Variants in OTUD7A observed in about 807,000 individuals in gnomAD.
The protein encoded by OTUD7A is OTU deubiquitinase 7A, also known as OTU domain-containing protein 7A.
OTUD7A carries 12 observed loss-of-function variants against 65.7 expected under a neutral mutation model. The ratio of observed to expected loss-of-function variants is 0.18; its 90% confidence interval spans 0.12 to 0.30. The LOEUF is 0.30. OTUD7A is among the 10% of genes least tolerant of loss of function. OTUD7A has a pLI of 1.00. For missense variants in OTUD7A, 1,148 were observed against 1,304.8 expected, an observed-to-expected ratio of 0.88 and a Z score of 1.85; for synonymous variants, 641 against 586.3, an observed-to-expected ratio of 1.09 and a Z score of -1.35.
chr15:31,766,976 A>C, intron 1 of OTUD7A: 3 of 1,611,952 alleles, frequency 1.9e-6, no homozygotes, highest in Non-Finnish European at 2.5e-6. Flanking sequence ...AACCCTATTA[A>C]ATTATGACAA....
intron 3 of OTUD7A, among the ~76,000 whole-genome samples, chr15:31,621,160 A>G (rs865865897): frequency 6.6e-6 from 1 of 151,682 alleles, no homozygotes; most frequent in Non-Finnish European, 1.5e-5. Flanking sequence ...GTTTTTTTAC[A>G]TTTGCTGAGG....
At position 31,483,600 on chromosome 15, in the gene OTUD7A, C is replaced by G. The variant is rs78774681; in HGVS notation, c.2496G>C (p.Ser832=). Residue 832 remains serine, a synonymous_variant, in exon 13 of 13, where the codon TCG becomes TCC. Transcript: ENST00000307050. The part of the protein sequence containing the change: ...AALRTVNTVE[S]LARAVPGALP... Reference sequence around the variant, plus strand: ...GGGCCCCGGGCACCGCGCGCGCCAGCGACTCGACCGTGTTGACGGTGCGCA... The same window carrying G: ...GGGCCCCGGGCACCGCGCGCGCCAGGGACTCGACCGTGTTGACGGTGCGCA... The G allele has an allele frequency of 8.2e-7, 1 of 1,223,778 alleles. No individual in the cohort carries two copies. The allele number at this position is 1,223,778 out of a possible 1,614,324, so 75.8% of individuals were successfully genotyped here. A position where few individuals can be genotyped will look rare whatever the true frequency, so the allele number is the denominator to read the frequency against.
At chr15:31,699,136 G>C (rs71476563) in intron 1 of OTUD7A, among the ~76,000 whole-genome samples, 6,934 of 148,964 alleles carry the variant, frequency 0.047, 320 homozygotes, top group African/African-American at 0.12. Context: ...CTGGAGTGCA[G>C]TGGTGCGATC....
chr15:31,497,810 C>T (rs1451636364), intron 10 of OTUD7A, among the ~76,000 whole-genome samples: 1 of 152,192 alleles, frequency 6.6e-6, no homozygotes, highest in Admixed American at 6.5e-5. Flanking sequence ...CAACTATTCC[C>T]TGGGGATGGT....
chr15:31,490,039 C>T (rs772145040), intron 10 of OTUD7A, among the ~76,000 whole-genome samples: 3 of 152,224 alleles, frequency 2.0e-5, no homozygotes, highest in Non-Finnish European at 4.4e-5. Context: ...GGGTCAACTG[C>T]GGCCTGTGGT....
chr15:31,732,875 C>T (rs1421156556), intron 1 of OTUD7A, among the ~76,000 whole-genome samples: 1 of 152,202 alleles, frequency 6.6e-6, no homozygotes, highest in African/African-American at 2.4e-5. Flanking sequence ...CCTAGTTGTG[C>T]ATTCCTTTGG....
intron 3 of OTUD7A, among the ~76,000 whole-genome samples, chr15:31,576,287 C>CG (rs1304630547): frequency 5.3e-5 from 8 of 152,170 alleles, no homozygotes; most frequent in Admixed American, 5.2e-4. Context: ...AGACAGAACT[C>CG]TAAGTCATCT....
At chr15:31,613,856 C>A (rs1367251092) in intron 3 of OTUD7A, among the ~76,000 whole-genome samples, 1 of 152,138 alleles carries the variant, frequency 6.6e-6, no homozygotes, top group East Asian at 1.9e-4. Flanking sequence ...TTTGTGGCTG[C>A]ACAATTCACA....
chr15:31,688,795 A>C (rs532154564), intron 1 of OTUD7A, among the ~76,000 whole-genome samples: 1,792 of 150,640 alleles, frequency 0.012, 34 homozygotes, highest in African/African-American at 0.041. Flanking sequence ...TGTATAAACA[A>C]TTGGTAAATC....
At chr15:31,580,138 A>G (rs982425635) in intron 3 of OTUD7A, among the ~76,000 whole-genome samples, 3 of 152,210 alleles carry the variant, frequency 2.0e-5, no homozygotes, top group African/African-American at 7.2e-5. Flanking sequence ...GTGTTACTGG[A>G]CAGAAAGTTG....
In OTUD7A at chr15:31,562,998, A is replaced by G. The variant is rs1041863980; in HGVS notation, c.332-3811T>C. Among the ~76,000 whole-genome samples, 5 of 151,866 alleles carry G rather than the reference A, an allele frequency of 3.3e-5. No individual in the cohort carries two copies. In the East Asian group the frequency reaches 7.7e-4, roughly 23 times the overall value. On this transcript the variant is annotated intron_variant, in intron 4 of 12. Transcript: ENST00000307050. Reference sequence around the variant, plus strand: ...TTTAATTCAGAAACTCTGTAATTCAATAGGAATCGATATGATTGCTCGCAA... The same window carrying G: ...TTTAATTCAGAAACTCTGTAATTCAGTAGGAATCGATATGATTGCTCGCAA...
intron 8 of OTUD7A, among the ~76,000 whole-genome samples, chr15:31,504,636 C>T (rs1595562330): frequency 6.6e-6 from 1 of 152,090 alleles, no homozygotes; most frequent in Admixed American, 6.5e-5. Context: ...CCAAGACTCC[C>T]CAGAGGTGGC....
At chr15:31,541,402 G>C (rs755605509) in intron 5 of OTUD7A, among the ~76,000 whole-genome samples, 7 of 152,056 alleles carry the variant, frequency 4.6e-5, no homozygotes, top group Non-Finnish European at 8.8e-5. Flanking sequence ...ATTTATTCCT[G>C]ATTTCTCTGT....
chr15:31,639,200 C>T (rs57641116), intron 3 of OTUD7A, among the ~76,000 whole-genome samples: 26,998 of 152,020 alleles, frequency 0.18, 2,586 homozygotes, highest in East Asian at 0.25. Context: ...CACTGACCTG[C>T]ATTCCATCGC....
intron 3 of OTUD7A, among the ~76,000 whole-genome samples, chr15:31,621,272 G>A (rs533685879): frequency 2.8e-4 from 42 of 152,292 alleles, no homozygotes; most frequent in African/African-American, 7.9e-4. Flanking sequence ...TTCTGTAGAT[G>A]TCTACTAGGT....
intron 3 of OTUD7A, among the ~76,000 whole-genome samples, chr15:31,609,252 G>A (rs762836652): frequency 2.6e-5 from 4 of 152,186 alleles, no homozygotes; most frequent in Non-Finnish European, 5.9e-5. Context: ...CGAATCTGAC[G>A]TGTAGCCTCC....
At chr15:31,585,487 A>G (rs7172627) in intron 3 of OTUD7A, among the ~76,000 whole-genome samples, 91,324 of 152,214 alleles carry the variant, frequency 0.6, 29,623 homozygotes, top group East Asian at 0.91. Context: ...GAGAATACCT[A>G]CAGGTGAGCT....
intron 3 of OTUD7A, among the ~76,000 whole-genome samples, chr15:31,599,757 GA>G (rs1230774947): frequency 1.3e-5 from 2 of 152,096 alleles, no homozygotes; most frequent in Non-Finnish European, 2.9e-5. Flanking sequence ...AAGGTTAGAC[GA>G]ATTGCTAACT....
In OTUD7A at chr15:31,496,675, A is replaced by G. The variant is rs574414288; in HGVS notation, c.1171+5015T>C. Among the ~76,000 whole-genome samples the G allele has an allele frequency of 2.5e-3, 382 of 152,368 alleles. 5 individuals carry two copies. The highest frequency in any genetic ancestry group is 3.6e-3 in the Non-Finnish European group (247 of 68,034). ...GAAAAAGCATGGTTCATTGTCAAACATATTGAAAACTGGAATGTTACATTC... is the reference window on the plus strand; with the variant it reads ...GAAAAAGCATGGTTCATTGTCAAACGTATTGAAAACTGGAATGTTACATTC... On this transcript the variant is annotated intron_variant, in intron 10 of 12. Coordinates refer to ENST00000307050, the MANE Select transcript of OTUD7A (RefSeq NM_001382637.1).
Sources: allele counts gnomAD v4.1 joint callset (sites outside exome capture counted in the v4.1 genomes callset), GRCh38; gene constraint gnomAD v4.1.1; transcripts MANE v1.5; gene names NCBI Gene and HGNC (gene_info 2026-07-23, HGNC 2026-07-21).